The following ARL10 variants were observed in gnomAD, a reference collection of about 807,000 sequenced individuals.
ARL10 encodes ADP-ribosylation factor-like protein 10.
Under a neutral mutation model 26.1 loss-of-function variants are expected in ARL10, and 23 were observed. The observed-to-expected ratio is 0.88, with a 90% CI of 0.63 to 1.25. The LOEUF is 1.25. Ranked by LOEUF, ARL10 falls within the 50% of genes most tolerant of loss-of-function variation. ARL10 has a pLI of 0.00. For missense variants in ARL10, 300 were observed against 323.6 expected (o/e 0.93, Z 0.56); for synonymous variants, 138 against 149.1 (o/e 0.93, Z 0.54).
At position 176,370,000 on chromosome 5, in the gene ARL10, T is replaced by G. The variant is rs538566753; in HGVS notation, c.561+1018T>G. 6.6e-5 allele frequency among the ~76,000 whole-genome samples: 10 copies of G among 151,338 alleles called. 1 individual carries two copies. In the South Asian group the frequency reaches 2.1e-3, roughly 32 times the overall value. Reference sequence around the variant, plus strand: ...ATAGTGGAATTGGGACGTGTAATGCTAAAGCTGTACCTTTTCCACTCTGCT... The same window carrying G: ...ATAGTGGAATTGGGACGTGTAATGCGAAAGCTGTACCTTTTCCACTCTGCT... On this transcript the variant is annotated intron_variant, in intron 3 of 3. Coordinates refer to ENST00000310389, the MANE Select transcript of ARL10 (RefSeq NM_173664.6).
At chr5:176,403,638 G>C (rs1295126340), downstream of ARL10, among the ~76,000 whole-genome samples, 1 of 151,704 alleles carries the variant, frequency 6.6e-6, no homozygotes, top group Non-Finnish European at 1.5e-5. Flanking sequence ...ATTTTTAGTA[G>C]AGACAGGGCT....
At chr5:176,390,935 A>G (rs999244433), downstream of ARL10, among the ~76,000 whole-genome samples, 6 of 152,222 alleles carry the variant, frequency 3.9e-5, no homozygotes, top group Non-Finnish European at 5.9e-5. Context: ...TTCCTCCTTC[A>G]TGTAGTTTCA....
At chr5:176,386,595 G>A (rs1755862063), downstream of ARL10, 1 of 586,360 alleles carries the variant, frequency 1.7e-6, no homozygotes, top group Non-Finnish European at 3.2e-6. Flanking sequence ...TATTCTCCCA[G>A]GCACCTGGGT....
chr5:176,407,345 G>A, the ARL10 span, among the ~76,000 whole-genome samples: 40 of 152,284 alleles, frequency 2.6e-4, no homozygotes, highest in East Asian at 2.1e-3. Flanking sequence ...TCGCTCTGTC[G>A]TCCAGGCTGG....
chr5:176,400,016 A>AC (rs1438857015), intron 1 of ARL10, among the ~76,000 whole-genome samples: 1 of 152,212 alleles, frequency 6.6e-6, no homozygotes, highest in Admixed American at 6.5e-5. Context: ...ACATGGTGAA[A>AC]CCCCATCTCT....
rs1581396320 is a variant in ARL10, at chr5:176,373,408, A to C, written c.*1513A>C. 2.4e-5 allele frequency: 5 copies of C among 212,676 alleles called. No homozygotes were observed. The East Asian group carries it at 4.8e-4, about 21-fold the overall frequency. The allele number at this position is 212,676 out of a possible 1,614,324, so 13.2% of individuals were successfully genotyped here. On this transcript the variant is annotated 3_prime_UTR_variant, in exon 4 of 4. Coordinates refer to ENST00000310389, the MANE Select transcript of ARL10 (RefSeq NM_173664.6). The stretch of plus-strand genomic sequence containing the variant: ...GTTGTCTGTTAGGGACCACTAAATC[A>C]ACAACCACAAATGGATTTTTTTTTT...
At chr5:176,389,428 C>T (rs773516368), downstream of ARL10, 7 of 1,614,202 alleles carry the variant, frequency 4.3e-6, no homozygotes, top group South Asian at 5.5e-5. Flanking sequence ...CCCGGATCGC[C>T]GCCCAGGGTT....
chr5:176,395,938 C>G (rs573432747), intron 1 of ARL10, among the ~76,000 whole-genome samples: 21 of 152,186 alleles, frequency 1.4e-4, no homozygotes, highest in Non-Finnish European at 2.6e-4. Flanking sequence ...AGTTCGAGAC[C>G]AGCCTGGCCG....
intron 1 of ARL10, chr5:176,388,097 AGC>A (rs1756030850): frequency 1.6e-6 from 1 of 636,758 alleles, no homozygotes; most frequent in East Asian, 2.7e-5. Context: ...ACGTCAGTTG[AGC>A]GTTCTGACTG....
chr5:176,367,647 GT>G (rs1768363470), intron 2 of ARL10, among the ~76,000 whole-genome samples: 1 of 152,076 alleles, frequency 6.6e-6, no homozygotes, highest in African/African-American at 2.4e-5. Flanking sequence ...CCTTCTTTCT[GT>G]TTCCCAGACA....
chr5:176,406,862 C>A (rs1757148790), downstream of ARL10, among the ~76,000 whole-genome samples: 2 of 152,138 alleles, frequency 1.3e-5, no homozygotes, highest in South Asian at 4.1e-4. Flanking sequence ...CACCTGTGAC[C>A]CAGGCGCTGT....
At chr5:176,399,587 A>G (rs954594037) in intron 1 of ARL10, among the ~76,000 whole-genome samples, 8 of 151,892 alleles carry the variant, frequency 5.3e-5, no homozygotes, top group African/African-American at 1.9e-4. Flanking sequence ...ATTTTCAAAA[A>G]AGTTTTTTTA....
At chr5:176,384,278 G>C, downstream of ARL10, 4 of 1,614,194 alleles carry the variant, frequency 2.5e-6, no homozygotes, top group Admixed American at 1.7e-5. Flanking sequence ...AGGAAGTCTT[G>C]CCACTCTGCT....
At position 176,380,638 on chromosome 5, in the gene ARL10, AC is replaced by A. The variant is rs1394948402; in HGVS notation, c.*8745del. 6.6e-6 allele frequency: 1 copy of A among 151,798 alleles called. No individual in the cohort carries two copies. The highest frequency in any genetic ancestry group is 1.9e-4 in the East Asian group (1 of 5,166). The allele number at this position is 151,798 out of a possible 1,614,324, so 9.4% of individuals were successfully genotyped here. On this transcript the variant is annotated 3_prime_UTR_variant, in exon 4 of 4. Transcript: ENST00000310389. The stretch of plus-strand genomic sequence containing the variant: ...TAGCTGCGATCGATCACAGGTGTGC[AC>A]CACCGCCCAGCTAATTTTTGTATTT...
the ARL10 span, among the ~76,000 whole-genome samples, chr5:176,408,299 C>T: frequency 2.0e-5 from 3 of 151,254 alleles, no homozygotes; most frequent in East Asian, 1.9e-4. Context: ...TTTGGGAGGC[C>T]GAGGTGGGTG....
chr5:176,410,496 A>G, the ARL10 span, among the ~76,000 whole-genome samples: 2 of 152,186 alleles, frequency 1.3e-5, no homozygotes, highest in Non-Finnish European at 2.9e-5. Flanking sequence ...AGCCTCTCAC[A>G]GCCATTAGTA....
chr5:176,390,064 C>T (rs141828663), downstream of ARL10, among the ~76,000 whole-genome samples: 443 of 151,742 alleles, frequency 2.9e-3, 2 homozygotes, highest in African/African-American at 0.01. Context: ...TGCCTGTAAT[C>T]CCAGCTACTC....
intron 3 of ARL10, among the ~76,000 whole-genome samples, chr5:176,370,358 T>G (rs961034456): frequency 6.6e-6 from 1 of 152,140 alleles, no homozygotes; most frequent in Non-Finnish European, 1.5e-5. Flanking sequence ...TCACAGACCT[T>G]GGGTCCCATT....
downstream of ARL10, chr5:176,389,571 G>T: frequency 6.8e-7 from 1 of 1,473,904 alleles, no homozygotes; most frequent in Non-Finnish European, 9.2e-7. Flanking sequence ...CCCTACCGTG[G>T]GACTTACTCC....
Sources: allele counts gnomAD v4.1 joint callset (sites outside exome capture counted in the v4.1 genomes callset), GRCh38; gene constraint gnomAD v4.1.1; transcripts MANE v1.5; gene names NCBI Gene and HGNC (gene_info 2026-07-23, HGNC 2026-07-21).